The following FRMD5 variants were observed in gnomAD, a reference collection of about 807,000 sequenced individuals.
FRMD5 encodes the protein FERM domain containing 5, also known as FERM domain-containing protein 5.
A neutral mutation model predicts 69.0 loss-of-function variants in FRMD5; 20 were observed. That is an observed-to-expected ratio of 0.29 (90% confidence interval 0.20 to 0.42). The LOEUF is 0.42. FRMD5 is among the 10% of genes least tolerant of loss of function. The pLI, the probability that FRMD5 is intolerant of heterozygous loss-of-function variation, is 1.00. For synonymous variants in FRMD5, 271 were observed against 260.1 expected (o/e 1.04, Z -0.40); for missense variants, 595 against 708.6 (o/e 0.84, Z 1.82).
At position 43,874,459 on chromosome 15, in the gene FRMD5, A is replaced by T. The variant is rs2088268576; in HGVS notation, c.1139T>A (p.Leu380Gln). Residue 380 changes from leucine (L) to glutamine (Q), a missense_variant, in exon 14 of 14, where the codon CTA becomes CAA. By Grantham distance (113) the Leu-to-Gln change is moderately radical. Coordinates refer to ENST00000417257, the MANE Select transcript of FRMD5 (RefSeq NM_032892.5). ...RAVHISIMEG[L>Q]ESLRDSAHST... Reference sequence around the variant, plus strand: ...ATGGGCACTGTCCCGTAAGGACTCTAGGCCTAGAAAGGCAAAAGGAACATG... The same window carrying T: ...ATGGGCACTGTCCCGTAAGGACTCTTGGCCTAGAAAGGCAAAAGGAACATG... 1 of 1,612,824 alleles carries T rather than the reference A, an allele frequency of 6.2e-7. No individual in the cohort carries two copies. Among genetic ancestry groups the T allele is most frequent in the African/African-American group, 1.3e-5 (1 of 74,926 alleles).
intron 1 of FRMD5, among the ~76,000 whole-genome samples, chr15:44,139,917 T>C (rs1469626037): frequency 2.0e-5 from 3 of 152,182 alleles, no homozygotes; most frequent in African/African-American, 7.2e-5. Context: ...AATACTGTGT[T>C]ACCAGAAACT....
intron 1 of FRMD5, among the ~76,000 whole-genome samples, chr15:44,013,273 A>C (rs1890807584): frequency 6.6e-6 from 1 of 152,188 alleles, no homozygotes. Flanking sequence ...TGCCCCCGTC[A>C]TCTCAGCTAC....
chr15:44,010,393 TCC>T (rs1044150311), intron 1 of FRMD5, among the ~76,000 whole-genome samples: 1 of 120,190 alleles, frequency 8.3e-6, no homozygotes, highest in African/African-American at 2.9e-5. Flanking sequence ...CAATCTTTTT[TCC>T]TTTTCTTTTT....
rs2076515681 is a variant in FRMD5, at chr15:44,094,072, G to A, written c.102+100881C>T. On this transcript the variant is annotated intron_variant, in intron 1 of 13. Coordinates refer to ENST00000417257, the MANE Select transcript of FRMD5 (RefSeq NM_032892.5). ...GGACTCTGGCATATGTGCTTACCATGAACCCAGGATACAAACTGACTCAAG... is the reference window on the plus strand; with the variant it reads ...GGACTCTGGCATATGTGCTTACCATAAACCCAGGATACAAACTGACTCAAG... Among the ~76,000 whole-genome samples, 4 of 152,110 alleles carry A rather than the reference G, an allele frequency of 2.6e-5. No individual in the cohort carries two copies. In the South Asian group the frequency reaches 8.3e-4, roughly 32 times the overall value.
At chr15:43,899,806 G>C (rs2140393159) in intron 7 of FRMD5, among the ~76,000 whole-genome samples, 1 of 152,314 alleles carries the variant, frequency 6.6e-6, no homozygotes, top group African/African-American at 2.4e-5. Context: ...CCAAGACGAG[G>C]CTGAGACAGG....
Position 43,873,636 on chromosome 15 carries a change from A to C in FRMD5, c.*249T>G. On this transcript the variant is annotated 3_prime_UTR_variant, in exon 14 of 14. Coordinates refer to ENST00000417257, the MANE Select transcript of FRMD5 (RefSeq NM_032892.5). ...TTATCCTGCAAATTGGAAAGATGAG[A>C]AACAGAGTCGCTGAGCCTTTCTTGA... 2 of 1,482,818 alleles carry C rather than the reference A, an allele frequency of 1.3e-6. No homozygotes were observed. The highest frequency in any genetic ancestry group is 1.3e-5 in the South Asian group (1 of 75,440). 91.9% of individuals were successfully genotyped at this position (1,482,818 alleles called of 1,614,324 possible). A position where few individuals can be genotyped will look rare whatever the true frequency, so the allele number is the denominator to read the frequency against.
chr15:43,999,040 C>G (rs1890064287), intron 1 of FRMD5, among the ~76,000 whole-genome samples: 1 of 152,124 alleles, frequency 6.6e-6, no homozygotes, highest in Admixed American at 6.6e-5. Context: ...GCTGTTAACA[C>G]TGTTTTTTCT....
chr15:44,164,639 T>C (rs999451374), intron 1 of FRMD5, among the ~76,000 whole-genome samples: 1 of 152,222 alleles, frequency 6.6e-6, no homozygotes, highest in African/African-American at 2.4e-5. Flanking sequence ...CAAGTCTTAA[T>C]GGGAGACACT....
rs954382349 is a variant in FRMD5, at chr15:43,872,406, G to A, written c.*1479C>T. On this transcript the variant is annotated 3_prime_UTR_variant, in exon 14 of 14. Transcript: ENST00000417257. ...GTGTGGGTCCAGGAATATGTCCATT[G>A]ACCACCCTTAAATAAGCCCTCAAGC... The A allele has an allele frequency of 1.3e-5, 2 of 152,072 alleles. No homozygotes were observed. Among genetic ancestry groups the A allele is most frequent in the African/African-American group, 4.8e-5 (2 of 41,404 alleles). 9.4% of individuals were successfully genotyped at this position (152,072 alleles called of 1,614,324 possible).
intron 2 of FRMD5, among the ~76,000 whole-genome samples, chr15:43,922,273 CTT>C (rs914607096): frequency 1.4e-4 from 22 of 152,196 alleles, no homozygotes; most frequent in African/African-American, 5.1e-4. Flanking sequence ...TTGTCTGAGA[CTT>C]TATTTACTCA....
rs146243818 is a variant in FRMD5, at chr15:44,077,104, T to G, written c.102+117849A>C. 3.7e-3 allele frequency among the ~76,000 whole-genome samples: 561 copies of G among 152,258 alleles called. 4 individuals carry two copies. Among genetic ancestry groups the G allele is most frequent in the African/African-American group, 0.013 (534 of 41,566 alleles). ...TTTTGCTCACTCTCTTGGAACATTT[T>G]CCCTGGGGAAATCTATAAGTCAAGC... is the stretch of plus-strand genomic sequence containing the variant. On this transcript the variant is annotated intron_variant, in intron 1 of 13. Transcript: ENST00000417257.
At chr15:44,188,481 G>A (rs2078139537) in intron 1 of FRMD5, among the ~76,000 whole-genome samples, 1 of 152,172 alleles carries the variant, frequency 6.6e-6, no homozygotes, top group South Asian at 2.1e-4. Context: ...TCAAACCTCA[G>A]CAAGCCTAAG....
chr15:43,942,107 G>A (rs2089874035), intron 1 of FRMD5, among the ~76,000 whole-genome samples: 1 of 152,168 alleles, frequency 6.6e-6, no homozygotes, highest in African/African-American at 2.4e-5. Flanking sequence ...GGGAGAGGAA[G>A]GAAGAAGATA....
chr15:44,142,521 T>G (rs2077288884), intron 1 of FRMD5, among the ~76,000 whole-genome samples: 1 of 152,094 alleles, frequency 6.6e-6, no homozygotes, highest in African/African-American at 2.4e-5. Context: ...CTCCACACAT[T>G]CATAACATAA....
intron 1 of FRMD5, among the ~76,000 whole-genome samples, chr15:44,097,670 A>G: frequency 6.6e-6 from 1 of 152,162 alleles, no homozygotes; most frequent in Non-Finnish European, 1.5e-5. Flanking sequence ...TCAGACTAGT[A>G]ATTTGTCTAA....
At chr15:44,016,224 T>C (rs922898402) in intron 1 of FRMD5, among the ~76,000 whole-genome samples, 1 of 152,194 alleles carries the variant, frequency 6.6e-6, no homozygotes, top group Non-Finnish European at 1.5e-5. Context: ...AGAAAAAACC[T>C]ACCAAAACTA....
chr15:44,182,478 T>C (rs12908345), intron 1 of FRMD5, among the ~76,000 whole-genome samples: 124,098 of 151,764 alleles, frequency 0.82, 54,533 homozygotes, highest in Non-Finnish European at 0.97. Flanking sequence ...TACAGGCACA[T>C]GCCACCATGC....
At chr15:43,968,122 A>G (rs1193211957) in intron 1 of FRMD5, among the ~76,000 whole-genome samples, 2 of 152,138 alleles carry the variant, frequency 1.3e-5, no homozygotes, top group Non-Finnish European at 2.9e-5. Context: ...AACATACACA[A>G]AAGTGTATGA....
At chr15:43,973,728 T>TTATAA (rs1324262545) in intron 1 of FRMD5, among the ~76,000 whole-genome samples, 1 of 152,080 alleles carries the variant, frequency 6.6e-6, no homozygotes, top group African/African-American at 2.4e-5. Flanking sequence ...TACTGCAGCA[T>TTATAA]TATAATACAG....
Sources: gnomAD v4.1 joint callset for allele counts (sites outside exome capture counted in the v4.1 genomes callset) on GRCh38, gnomAD v4.1.1 for gene constraint, MANE v1.5 for transcripts, NCBI Gene and HGNC (gene_info 2026-07-23, HGNC 2026-07-21) for gene names.